The following PLXNA4 variants were observed in gnomAD, a reference collection of about 807,000 sequenced individuals.
PLXNA4 encodes plexin-A4.
PLXNA4 carries 44 observed loss-of-function variants against 191.8 expected under a neutral mutation model. The observed-to-expected ratio is 0.23, with a 90% CI of 0.18 to 0.29. The LOEUF is 0.29. PLXNA4 is among the 10% of genes least tolerant of loss of function. The pLI, the probability that PLXNA4 is intolerant of heterozygous loss-of-function variation, is 1.00. For missense variants in PLXNA4, 1,800 were observed against 2,488.8 expected, an observed-to-expected ratio of 0.72 and a Z score of 5.89; for synonymous variants, 1,082 against 1,009.5, an observed-to-expected ratio of 1.07 and a Z score of -1.36.
intron 2 of PLXNA4, among the ~76,000 whole-genome samples, chr7:132,609,522 T>A (rs952547041): frequency 6.6e-6 from 1 of 152,192 alleles, no homozygotes; most frequent in South Asian, 2.1e-4. Flanking sequence ...TATCGTCATA[T>A]GTAGGTGATG....
At chr7:132,355,554 A>C (rs1198629234) in intron 3 of PLXNA4, among the ~76,000 whole-genome samples, 1 of 152,186 alleles carries the variant, frequency 6.6e-6, no homozygotes, top group Non-Finnish European at 1.5e-5. Context: ...CATTCAGCCG[A>C]TTAATATTTC....
At chr7:132,507,477 T>C (rs756678355) in intron 2 of PLXNA4, 29 bp downstream of exon 2, 4 of 1,577,124 alleles carry the variant, frequency 2.5e-6, no homozygotes, top group East Asian at 2.2e-5. Context: ...CTCCCAACCA[T>C]CCCAGCGCGC....
At chr7:132,297,609 G>A (rs960473423) in intron 4 of PLXNA4, among the ~76,000 whole-genome samples, 8 of 152,104 alleles carry the variant, frequency 5.3e-5, no homozygotes, top group African/African-American at 1.7e-4. Context: ...AGTTCAGGCC[G>A]TGCCCTACCC....
chr7:132,520,206 C>A (rs1799117428), intron 1 of PLXNA4, among the ~76,000 whole-genome samples: 2 of 152,176 alleles, frequency 1.3e-5, no homozygotes, highest in Non-Finnish European at 2.9e-5. Context: ...GGAATGCCTG[C>A]CAGGGTTGAA....
In PLXNA4 at chr7:132,229,840, C is replaced by T. The variant is rs553825156; in HGVS notation, c.1605-1371G>A. ...ATGAGGGAAGGGGGTACCTGGACAC[C>T]CTGAGCTGCTATTGGGGTAACTCAG... On this transcript the variant is annotated intron_variant, in intron 5 of 31. Coordinates refer to ENST00000321063, the MANE Select transcript of PLXNA4 (RefSeq NM_020911.2). Among the ~76,000 whole-genome samples, 18 of 152,008 alleles carry T rather than the reference C, an allele frequency of 1.2e-4. No homozygotes were observed. The East Asian group carries it at 3.1e-3, about 26-fold the overall frequency.
At chr7:132,579,911 G>A (rs1282533223), upstream of PLXNA4, among the ~76,000 whole-genome samples, 1 of 151,934 alleles carries the variant, frequency 6.6e-6, no homozygotes, top group African/African-American at 2.4e-5. Flanking sequence ...CCATTGGATT[G>A]ACTCCCTTAA....
intron 30 of PLXNA4, among the ~76,000 whole-genome samples, chr7:132,139,956 A>G (rs1268022537): frequency 1.3e-5 from 2 of 152,202 alleles, no homozygotes; most frequent in Non-Finnish European, 2.9e-5. Context: ...CAGACAAACC[A>G]TTAACCTTCT....
At chr7:132,576,656 C>A (rs1368726722), upstream of PLXNA4, 5 of 955,878 alleles carry the variant, frequency 5.2e-6, no homozygotes, top group African/African-American at 8.8e-5. The surrounding 1 kb of genome is among the most constrained non-coding windows in gnomAD (Gnocchi z 5.8). Context: ...GCTTCTCTTG[C>A]GGCGTCCAAG....
Position 132,192,760 on chromosome 7 carries a change from C to T in PLXNA4, c.2856+1302G>A, listed in dbSNP as rs573659895. Among the ~76,000 whole-genome samples the T allele has an allele frequency of 3.9e-5, 6 of 152,142 alleles. No homozygotes were observed. The South Asian group carries it at 6.2e-4, about 16-fold the overall frequency. On this transcript the variant is annotated intron_variant, in intron 14 of 31. Coordinates refer to ENST00000321063, the MANE Select transcript of PLXNA4 (RefSeq NM_020911.2). Reference sequence around the variant, plus strand: ...TAGTTTTTAAAATGATGGGTGTGTGCGGCAGGGAATGTGTTTATGTCTCCA... The same window carrying T: ...TAGTTTTTAAAATGATGGGTGTGTGTGGCAGGGAATGTGTTTATGTCTCCA...
chr7:132,563,373 TCC>T (rs1801449197), intron 1 of PLXNA4, among the ~76,000 whole-genome samples: 1 of 107,232 alleles, frequency 9.3e-6, no homozygotes, highest in African/African-American at 3.7e-5. Flanking sequence ...CTCCTCCTCC[TCC>T]TTCTCCTCCT....
chr7:132,294,820 A>G (rs1049816255), intron 4 of PLXNA4, among the ~76,000 whole-genome samples: 2 of 152,198 alleles, frequency 1.3e-5, no homozygotes, highest in African/African-American at 2.4e-5. Context: ...AGTAGGACAC[A>G]TAGAGAAACA....
intron 31 of PLXNA4, 137 bp from the exon 32 acceptor site, chr7:132,130,711 G>A (rs1010709047): frequency 1.4e-5 from 18 of 1,294,890 alleles, no homozygotes; most frequent in East Asian, 2.5e-5. Context: ...AGGACACTGC[G>A]GGGTAGGAGG....
At chr7:132,142,319 T>C (rs1230679725) in intron 29 of PLXNA4, among the ~76,000 whole-genome samples, 1 of 152,250 alleles carries the variant, frequency 6.6e-6, no homozygotes, top group Non-Finnish European at 1.5e-5. Flanking sequence ...CTCCCACCTC[T>C]GCCTCCTGCC....
At chr7:132,348,793 C>T (rs1803356407) in intron 3 of PLXNA4, among the ~76,000 whole-genome samples, 1 of 152,226 alleles carries the variant, frequency 6.6e-6, no homozygotes, top group Admixed American at 6.5e-5. Context: ...GAGAATCACT[C>T]TGGTTAGCTC....
At chr7:132,375,284 C>G (rs965688229) in intron 3 of PLXNA4, among the ~76,000 whole-genome samples, 27 of 54,024 alleles carry the variant, frequency 5.0e-4, no homozygotes, top group Admixed American at 1.7e-3. Context: ...TCCATCCCGC[C>G]CCCCCCCACG....
At chr7:132,330,418 T>A (rs1802545334) in intron 3 of PLXNA4, among the ~76,000 whole-genome samples, 1 of 152,056 alleles carries the variant, frequency 6.6e-6, no homozygotes, top group Non-Finnish European at 1.5e-5. Context: ...TATAACCCGC[T>A]CACCAGTGAG....
intron 22 of PLXNA4, 30 bp downstream of exon 22, chr7:132,168,274 G>A (rs1420606859): frequency 6.7e-7 from 1 of 1,498,960 alleles, no homozygotes; most frequent in Non-Finnish European, 8.9e-7. Flanking sequence ...TGGCTAGGCT[G>A]GAGCAGGGTG....
intron 20 of PLXNA4, 117 bp from the exon 21 acceptor site, chr7:132,175,037 G>T (rs939440215): frequency 1.2e-5 from 18 of 1,459,592 alleles, no homozygotes; most frequent in Non-Finnish European, 1.6e-5. Flanking sequence ...AATGGACCAC[G>T]ATGGGCGGGA....
chr7:132,151,415 G>GA (rs1491237740), intron 25 of PLXNA4, among the ~76,000 whole-genome samples: 1 of 21,734 alleles, frequency 4.6e-5, no homozygotes, highest in Non-Finnish European at 2.1e-4. Context: ...GAGGAAGGAG[G>GA]AGGAGGAGGA....
Sources: gnomAD v4.1 joint callset for allele counts (sites outside exome capture counted in the v4.1 genomes callset) on GRCh38, gnomAD v4.1.1 for gene constraint, Gnocchi (gnomAD v3.1) non-coding constraint, MANE v1.5 for transcripts, NCBI Gene and HGNC (gene_info 2026-07-23, HGNC 2026-07-21) for gene names.